Variants in CCNH observed in about 807,000 individuals in gnomAD.
CCNH encodes the protein cyclin H, also known as cyclin-H.
A neutral mutation model predicts 41.9 loss-of-function variants in CCNH; 31 were observed. That is an observed-to-expected ratio of 0.74 (90% CI 0.56 to 1.00). The LOEUF is 1.00. CCNH is among the 50% of genes least tolerant of loss of function. The pLI is 0.00. For missense variants in CCNH, 362 were observed against 388.4 expected, an observed-to-expected ratio of 0.93 and a Z score of 0.57; for synonymous variants, 138 against 136.1, an observed-to-expected ratio of 1.01 and a Z score of -0.10.
intron 9 of CCNH, chr5:87,369,716 TTA>T: frequency 1.2e-6 from 1 of 800,746 alleles, no homozygotes; most frequent in South Asian, 1.6e-5. Flanking sequence ...AATTATAATT[TTA>T]TGTTAATTAT....
At chr5:87,346,373 A>G (rs1213015426) in intron 9 of CCNH, among the ~76,000 whole-genome samples, 1 of 151,988 alleles carries the variant, frequency 6.6e-6, no homozygotes, top group Admixed American at 6.6e-5. Context: ...ACCCCACAAA[A>G]AGAAAAAAAA....
At chr5:87,402,386 A>C (rs1252644001) in intron 5 of CCNH, among the ~76,000 whole-genome samples, 2 of 152,200 alleles carry the variant, frequency 1.3e-5, no homozygotes, top group African/African-American at 4.8e-5. Context: ...TGTTTTTCTC[A>C]GAGCCACTGA....
At chr5:87,404,474 G>A (rs1283447332) in intron 5 of CCNH, among the ~76,000 whole-genome samples, 1 of 152,134 alleles carries the variant, frequency 6.6e-6, no homozygotes, top group East Asian at 1.9e-4. Flanking sequence ...GCTTCAGTTA[G>A]TTAACAATAT....
chr5:87,337,236 T>C (rs1317661995), intron 9 of CCNH, among the ~76,000 whole-genome samples: 1 of 152,096 alleles, frequency 6.6e-6, no homozygotes, highest in Non-Finnish European at 1.5e-5. Context: ...ACTTGTTGTT[T>C]CCATAATTGT....
downstream of CCNH, chr5:87,391,414 A>T: frequency 4.0e-6 from 1 of 249,286 alleles, no homozygotes; most frequent in South Asian, 1.3e-4. Context: ...TAATAGGAAC[A>T]ATCTTTGCTG....
At chr5:87,349,099 C>T in intron 9 of CCNH, 1 of 1,277,486 alleles carries the variant, frequency 7.8e-7, no homozygotes, top group East Asian at 2.4e-5. Flanking sequence ...AAACAAGTTC[C>T]TGGTGAAAAT....
At chr5:87,360,432 T>C (rs1320857492) in intron 9 of CCNH, among the ~76,000 whole-genome samples, 2 of 152,200 alleles carry the variant, frequency 1.3e-5, no homozygotes, top group African/African-American at 4.8e-5. Flanking sequence ...TTTTGAAAAC[T>C]CTGATGGCTC....
At chr5:87,375,017 T>C (rs565613242), downstream of CCNH, 1 of 1,402,808 alleles carries the variant, frequency 7.1e-7, no homozygotes, top group South Asian at 1.3e-5. Flanking sequence ...AAAACAGAAA[T>C]GCAAGTAGTA....
downstream of CCNH, chr5:87,391,549 AGACTGTATTTAGATCTCAT>A (rs1176313932): frequency 4.2e-6 from 1 of 238,032 alleles, no homozygotes; most frequent in Non-Finnish European, 8.3e-6. Context: ...AAATTGTCAA[AGACTGTATTTAGATCTCAT>A]AATGCTTTGT....
downstream of CCNH, among the ~76,000 whole-genome samples, chr5:87,388,141 ATTACT>A (rs533419701): frequency 6.6e-6 from 1 of 152,180 alleles, no homozygotes; most frequent in Non-Finnish European, 1.5e-5. Context: ...TGTTGCTATG[ATTACT>A]TTATTCTAAA....
chr5:87,365,426 ATTAC>A (rs1219072366), intron 9 of CCNH, among the ~76,000 whole-genome samples: 1 of 152,088 alleles, frequency 6.6e-6, no homozygotes, highest in Non-Finnish European at 1.5e-5. Flanking sequence ...TACTCTGAAT[ATTAC>A]TTTATTCACA....
chr5:87,396,348 G>A (rs910716505), intron 7 of CCNH, among the ~76,000 whole-genome samples: 2 of 152,174 alleles, frequency 1.3e-5, no homozygotes, highest in Admixed American at 6.5e-5. Flanking sequence ...GTGGCCAGGT[G>A]CAGTGGCTCA....
downstream of CCNH, chr5:87,386,781 G>C: frequency 6.5e-7 from 1 of 1,528,078 alleles, no homozygotes; most frequent in Non-Finnish European, 9.1e-7. Context: ...AGATCAAACA[G>C]TGGTTTGTTT....
chr5:87,341,431 C>T, intron 9 of CCNH: 1 of 609,910 alleles, frequency 1.6e-6, no homozygotes, highest in Non-Finnish European at 2.4e-6. Flanking sequence ...ACTGACTTAA[C>T]TTTTAAATTT....
At chr5:87,392,986 G>A (rs959923076), downstream of CCNH, 2 of 151,762 alleles carry the variant, frequency 1.3e-5, no homozygotes, top group Non-Finnish European at 2.9e-5. Context: ...CTAGGACTGC[G>A]ATGGAGGATT....
chr5:87,380,450 C>T, upstream of CCNH: 1 of 1,431,920 alleles, frequency 7.0e-7, no homozygotes, highest in East Asian at 2.3e-5. Context: ...CTTTTGGCTG[C>T]TAGGAGATCA....
chr5:87,395,537 T>C (rs538764930), intron 7 of CCNH, among the ~76,000 whole-genome samples: 1 of 152,172 alleles, frequency 6.6e-6, no homozygotes, highest in East Asian at 1.9e-4. Context: ...TAATGTGTGA[T>C]AAGAAGTGTT....
At chr5:87,316,119 G>A (rs1425478965), downstream of CCNH, among the ~76,000 whole-genome samples, 1 of 152,162 alleles carries the variant, frequency 6.6e-6, no homozygotes, top group Non-Finnish European at 1.5e-5. Context: ...AATGCTCTGA[G>A]ACCAGATCTG....
In CCNH at chr5:87,338,536, A is replaced by ATATATATATATTT; in HGVS notation, c.*91-19640_*91-19639insAAATATATATATA. ...ATATATATATATATATATATATAAA[A>ATATATATATATTT]TTTTTTTTTTTTTTAAGTAGAAATG... On this transcript the variant is annotated intron_variant and NMD_transcript_variant, in intron 9 of 9. Transcript: ENST00000645953. Among the ~76,000 whole-genome samples the ATATATATATATTT allele has an allele frequency of 2.7e-3, 226 of 85,134 alleles. 5 individuals are homozygous for ATATATATATATTT. Among genetic ancestry groups the ATATATATATATTT allele is most frequent in the South Asian group, 6.3e-3 (16 of 2,552 alleles). The allele number at this position is 85,134 out of a possible 152,430, so 55.9% of individuals were successfully genotyped here.
Sources: gnomAD v4.1 joint callset for allele counts (sites outside exome capture counted in the v4.1 genomes callset) on GRCh38, gnomAD v4.1.1 for gene constraint, MANE v1.5 for transcripts, NCBI Gene and HGNC (gene_info 2026-07-23, HGNC 2026-07-21) for gene names.